Variants in NRG1 observed in about 807,000 individuals in gnomAD.
NRG1 encodes the protein neuregulin 1, also known as pro-neuregulin-1, membrane-bound isoform.
A neutral mutation model predicts 63.8 loss-of-function variants in NRG1; 18 were observed. The observed-to-expected ratio is 0.28, with a 90% CI of 0.19 to 0.42. The LOEUF is 0.42. NRG1 is among the 10% of genes least tolerant of loss of function. The probability of loss-of-function intolerance (pLI) is 1.00; values close to 1 mark genes in which losing one functional copy is unlikely to be tolerated. For missense variants in NRG1, 762 were observed against 814.7 expected (o/e 0.94, Z 0.79); for synonymous variants, 302 against 301.3 (o/e 1.00, Z -0.02).
chr8:32,086,724 A>G (rs551560652), intron 1 of NRG1, among the ~76,000 whole-genome samples: 4 of 152,306 alleles, frequency 2.6e-5, no homozygotes, highest in Admixed American at 2.0e-4. Flanking sequence ...AACGGGTGAC[A>G]TATTGTTTAC....
At chr8:32,224,926 T>A (rs1421313106) in intron 1 of NRG1, among the ~76,000 whole-genome samples, 1 of 152,136 alleles carries the variant, frequency 6.6e-6, no homozygotes, top group Non-Finnish European at 1.5e-5. Flanking sequence ...AACTTCCAGA[T>A]GGCAGTGAGA....
intron 1 of NRG1, among the ~76,000 whole-genome samples, chr8:32,552,281 C>T (rs534807116): frequency 5.5e-5 from 8 of 146,246 alleles, no homozygotes; most frequent in Admixed American, 2.1e-4. Context: ...GATTCTCTGT[C>T]GATATGTTGT....
chr8:32,747,685 G>A (rs1589564077), intron 7 of NRG1, among the ~76,000 whole-genome samples: 2 of 147,658 alleles, frequency 1.4e-5, no homozygotes, highest in Admixed American at 6.7e-5. Flanking sequence ...TCCTTGTTAT[G>A]CAATGTACTT....
intron 1 of NRG1, among the ~76,000 whole-genome samples, chr8:31,775,113 T>C (rs1465536934): frequency 6.6e-6 from 1 of 152,254 alleles, no homozygotes; most frequent in African/African-American, 2.4e-5. Flanking sequence ...AGAAAACAAA[T>C]CATTTTATTA....
At chr8:32,357,397 T>A (rs1035388840) in intron 1 of NRG1, among the ~76,000 whole-genome samples, 1 of 152,202 alleles carries the variant, frequency 6.6e-6, no homozygotes, top group African/African-American at 2.4e-5. Flanking sequence ...GGCCAAAGTT[T>A]TAGAACAGTA....
chr8:32,109,538 A>G (rs1175243892), intron 1 of NRG1, among the ~76,000 whole-genome samples: 1 of 152,152 alleles, frequency 6.6e-6, no homozygotes, highest in African/African-American at 2.4e-5. Flanking sequence ...TGCACTGCAT[A>G]ATGAATTCCA....
intron 1 of NRG1, among the ~76,000 whole-genome samples, chr8:31,852,266 A>G (rs1234694756): frequency 2.0e-5 from 3 of 151,252 alleles, no homozygotes; most frequent in Non-Finnish European, 4.4e-5. Context: ...CCTCTCCAGC[A>G]CCTGTTGTTT....
At chr8:32,468,558 G>A (rs1034125554) in intron 1 of NRG1, among the ~76,000 whole-genome samples, 20 of 152,148 alleles carry the variant, frequency 1.3e-4, no homozygotes, top group South Asian at 4.2e-4. Flanking sequence ...TCTGAATAAC[G>A]TGAACCTTCC....
At chr8:32,227,813 C>T (rs1428581666) in intron 1 of NRG1, among the ~76,000 whole-genome samples, 3 of 152,158 alleles carry the variant, frequency 2.0e-5, no homozygotes, top group Non-Finnish European at 4.4e-5. Context: ...CATTCCTGAT[C>T]ACCACCTCCA....
intron 1 of NRG1, among the ~76,000 whole-genome samples, chr8:31,823,673 A>T (rs1428011144): frequency 6.6e-6 from 1 of 152,222 alleles, no homozygotes; most frequent in Non-Finnish European, 1.5e-5. Flanking sequence ...TGAAACTGTC[A>T]CAATGCTTTG....
chr8:31,873,587 G>A (rs1829675356), intron 1 of NRG1, among the ~76,000 whole-genome samples: 1 of 152,048 alleles, frequency 6.6e-6, no homozygotes, highest in Non-Finnish European at 1.5e-5. Flanking sequence ...AACAAAACAA[G>A]GAGGGGCATG....
chr8:32,588,227 A>T (rs1174201695), intron 1 of NRG1, among the ~76,000 whole-genome samples: 1 of 152,148 alleles, frequency 6.6e-6, no homozygotes. Context: ...CCAGCCCTCT[A>T]CATGTTTTTT....
At position 32,254,628 on chromosome 8, in the gene NRG1, G is replaced by C. The variant is rs1849478580; in HGVS notation, c.38-341200G>C. 2.6e-5 allele frequency among the ~76,000 whole-genome samples: 4 copies of C among 152,192 alleles called. No individual in the cohort carries two copies. In the South Asian group the frequency reaches 8.3e-4, roughly 32 times the overall value. ...TCAGTTTTAGAATAAGTGAGATGTG[G>C]TGCTGAGAAGAATGTAAATTCTGTT... On this transcript the variant is annotated intron_variant, in intron 1 of 10. Transcript: ENST00000519301.
intron 1 of NRG1, among the ~76,000 whole-genome samples, chr8:32,499,520 T>TAA (rs1827606496): frequency 6.6e-6 from 1 of 151,970 alleles, no homozygotes; most frequent in Non-Finnish European, 1.5e-5. Context: ...CCATCTCTAA[T>TAA]AAAGTCATCC....
rs576015208 is a variant in NRG1 at position 32,590,031 on chromosome 8, G to A, written c.101-5797G>A. Among the ~76,000 whole-genome samples the A allele has an allele frequency of 1.2e-3, 180 of 152,286 alleles. 7 individuals carry two copies. In the South Asian group the frequency reaches 0.036, roughly 30 times the overall value. ...CAGAACACAAAAGTAGACTTTGGAA[G>A]TATACTTTGCATACCTGCATGTTTT... On this transcript the variant is annotated intron_variant, in intron 1 of 11. Coordinates refer to ENST00000356819, the Ensembl canonical transcript of NRG1.
exon 1 of NRG1, chr8:32,548,602 C>T: frequency 7.4e-7 from 1 of 1,348,034 alleles, no homozygotes; most frequent in African/African-American, 1.5e-5. Flanking sequence ...GCAGCGCGAG[C>T]GCCTCAGCGC....
intron 1 of NRG1, among the ~76,000 whole-genome samples, chr8:32,037,299 A>G (rs1295616018): frequency 6.6e-6 from 1 of 152,190 alleles, no homozygotes; most frequent in Non-Finnish European, 1.5e-5. Context: ...CAAAGATGGC[A>G]GAGTGCTCCT....
chr8:31,900,011 A>G (rs952472100), intron 1 of NRG1, among the ~76,000 whole-genome samples: 2 of 152,212 alleles, frequency 1.3e-5, no homozygotes, highest in Non-Finnish European at 2.9e-5. Flanking sequence ...CATTTTGAGT[A>G]TCATTGTTTA....
intron 1 of NRG1, among the ~76,000 whole-genome samples, chr8:32,341,103 C>T (rs1804015952): frequency 6.6e-6 from 1 of 152,120 alleles, no homozygotes. Context: ...ACATCTTTTT[C>T]CTGTATCTTC....
Sources: gnomAD v4.1 joint callset for allele counts (sites outside exome capture counted in the v4.1 genomes callset) on GRCh38, gnomAD v4.1.1 for gene constraint, MANE v1.5 for transcripts, NCBI Gene and HGNC (gene_info 2026-07-23, HGNC 2026-07-21) for gene names.